The following CDK8 variants were observed in gnomAD, a reference collection of about 807,000 sequenced individuals.
The protein encoded by CDK8 is cyclin dependent kinase 8.
A neutral mutation model predicts 71.5 loss-of-function variants in CDK8; 29 were observed. The observed-to-expected ratio is 0.41, with a 90% confidence interval of 0.30 to 0.55. The LOEUF is 0.55. CDK8 is among the 20% of genes least tolerant of loss of function. The pLI, the probability that CDK8 is intolerant of heterozygous loss-of-function variation, is 0.37. For synonymous variants in CDK8, 161 were observed against 192.1 expected (o/e 0.84, Z 1.34); for missense variants, 288 against 572.6 (o/e 0.50, Z 5.07).
intron 4 of CDK8, among the ~76,000 whole-genome samples, chr13:26,365,973 GA>G (rs1262803473): frequency 6.6e-6 from 1 of 151,266 alleles, no homozygotes; most frequent in Non-Finnish European, 1.5e-5. Flanking sequence ...ATTATACTGT[GA>G]AAAAAAACCA....
intron 1 of CDK8, among the ~76,000 whole-genome samples, chr13:26,260,703 A>G (rs1014496394): frequency 2.0e-5 from 3 of 152,234 alleles, no homozygotes; most frequent in African/African-American, 4.8e-5. Context: ...ATAATGAAAA[A>G]TTATAATTAT....
In CDK8 at chr13:26,356,381, A is replaced by G. The variant is rs560485310; in HGVS notation, c.456+2501A>G. 5.3e-5 allele frequency among the ~76,000 whole-genome samples: 8 copies of G among 152,248 alleles called. No individual in the cohort carries two copies. In the South Asian group the frequency reaches 1.2e-3, roughly 24 times the overall value. ...AAAAAGTTCTGCAGTGTCTGCTGCT[A>G]TCTTCTTTGATTTCCATATTTGAGT... On this transcript the variant is annotated intron_variant, in intron 4 of 12. Transcript: ENST00000381527.
intron 1 of CDK8, among the ~76,000 whole-genome samples, chr13:26,261,282 G>T (rs1392304508): frequency 6.6e-6 from 1 of 152,186 alleles, no homozygotes; most frequent in Non-Finnish European, 1.5e-5. Context: ...CAGAAAAAAT[G>T]CTGAGAGCTC....
chr13:26,360,616 G>A (rs1874093328), intron 4 of CDK8, among the ~76,000 whole-genome samples: 1 of 152,084 alleles, frequency 6.6e-6, no homozygotes, highest in Non-Finnish European at 1.5e-5. Flanking sequence ...ACTCCTGAGG[G>A]CAAAGACTGT....
rs770787733 is a variant in CDK8, at chr13:26,254,688, TC to T, written c.48del (p.Glu17ArgfsTer35). On this transcript the variant is annotated frameshift_variant, in exon 1 of 13. Coordinates refer to ENST00000381527, the MANE Select transcript of CDK8 (RefSeq NM_001260.3). LOFTEE classifies it high-confidence loss of function. This position sits in a 1 kb window ranked among gnomAD's most constrained non-coding sequence, Gnocchi z 6.7. ...AAGCTGAGCAGCGAGCGGGAGCGGGTCGAGGACCTGTTTGAATACGAGGGCT... is the reference window on the plus strand; with the variant it reads ...AAGCTGAGCAGCGAGCGGGAGCGGGTGAGGACCTGTTTGAATACGAGGGCT... ...KVKLSSERERVEDLFEYEGCK... is the reference protein window; with the variant it reads ...KVKLSSERERXEDLFEYEGCK... 6.2e-7 allele frequency: 1 copy of T among 1,611,828 alleles called. No homozygotes were observed. Among genetic ancestry groups the T allele is most frequent in the Non-Finnish European group, 8.5e-7 (1 of 1,179,012 alleles).
At chr13:26,353,502 G>A (rs1873768054) in intron 3 of CDK8, among the ~76,000 whole-genome samples, 1 of 151,342 alleles carries the variant, frequency 6.6e-6, no homozygotes, top group South Asian at 2.1e-4. Context: ...AATATTTTCT[G>A]ATTCCCTATT....
chr13:26,389,805 C>T (rs1317615757), intron 6 of CDK8, among the ~76,000 whole-genome samples: 1 of 152,038 alleles, frequency 6.6e-6, no homozygotes. Flanking sequence ...CGAGACCACC[C>T]TCACCAACAT....
At chr13:26,313,918 T>C (rs1403559787) in intron 1 of CDK8, among the ~76,000 whole-genome samples, 4 of 152,186 alleles carry the variant, frequency 2.6e-5, no homozygotes, top group African/African-American at 7.2e-5. Flanking sequence ...AAGAAAATGA[T>C]GTCCAGGTTG....
At chr13:26,294,291 C>G (rs1250238631) in intron 1 of CDK8, among the ~76,000 whole-genome samples, 1 of 151,780 alleles carries the variant, frequency 6.6e-6, no homozygotes, top group African/African-American at 2.4e-5. Flanking sequence ...CCACCATGCC[C>G]TGCTCTACAC....
chr13:26,341,517 C>T (rs1257932523), intron 2 of CDK8, among the ~76,000 whole-genome samples: 1 of 152,048 alleles, frequency 6.6e-6, no homozygotes, highest in South Asian at 2.1e-4. Context: ...AATTGTTTTC[C>T]TTATTTTTTT....
chr13:26,314,321 A>G (rs147816287), intron 1 of CDK8, among the ~76,000 whole-genome samples: 1 of 152,234 alleles, frequency 6.6e-6, no homozygotes, highest in African/African-American at 2.4e-5. Flanking sequence ...GTTACTAAGA[A>G]CATTTCTAAG....
At chr13:26,282,414 T>TA (rs1872790077) in intron 1 of CDK8, among the ~76,000 whole-genome samples, 1 of 152,198 alleles carries the variant, frequency 6.6e-6, no homozygotes, top group Admixed American at 6.5e-5. Flanking sequence ...ATCCTATCTT[T>TA]AGCCTCTACA....
rs1875727601 is a variant in CDK8, at chr13:26,391,123, GAAGA to G, written c.647-2240_647-2237del. Among the ~76,000 whole-genome samples, 6 of 151,988 alleles carry G rather than the reference GAAGA, an allele frequency of 3.9e-5. No individual in the cohort carries two copies. In the South Asian group the frequency reaches 1.0e-3, roughly 26 times the overall value. On this transcript the variant is annotated intron_variant, in intron 6 of 12. Coordinates refer to ENST00000381527, the MANE Select transcript of CDK8 (RefSeq NM_001260.3). ...TGATTAATGTATGGGTCAGGATTTT[GAAGA>G]AAGGAAGAATGGTAAAATTGACAAA...
chr13:26,352,401 A>G (rs1048510915), intron 3 of CDK8, among the ~76,000 whole-genome samples: 4 of 152,078 alleles, frequency 2.6e-5, no homozygotes, highest in Non-Finnish European at 5.9e-5. Context: ...ATTTTTTAGT[A>G]GAGACGGGGT....
intron 1 of CDK8, among the ~76,000 whole-genome samples, chr13:26,290,696 A>G (rs140488533): frequency 6.6e-6 from 1 of 152,272 alleles, no homozygotes; most frequent in Non-Finnish European, 1.5e-5. Context: ...CTTCATCATT[A>G]TATTGGTATT....
intron 2 of CDK8, among the ~76,000 whole-genome samples, chr13:26,342,635 C>T (rs1873291679): frequency 6.6e-6 from 1 of 152,100 alleles, no homozygotes; most frequent in South Asian, 2.1e-4. Context: ...GGTAATTGTC[C>T]ACTGAGACAG....
intron 1 of CDK8, among the ~76,000 whole-genome samples, chr13:26,280,949 A>G (rs1182109707): frequency 6.6e-6 from 1 of 152,238 alleles, no homozygotes; most frequent in Non-Finnish European, 1.5e-5. Context: ...GCTTTGAAAG[A>G]AGCAGCAGGC....
chr13:26,268,569 G>A (rs933206090), intron 1 of CDK8, among the ~76,000 whole-genome samples: 4 of 152,044 alleles, frequency 2.6e-5, no homozygotes, highest in East Asian at 3.9e-4. Context: ...TCCTGCCTCA[G>A]CCTCCTGAGT....
At chr13:26,390,803 TCTC>T (rs1875709391) in intron 6 of CDK8, among the ~76,000 whole-genome samples, 1 of 152,204 alleles carries the variant, frequency 6.6e-6, no homozygotes, top group African/African-American at 2.4e-5. Context: ...CAAAGTCTTT[TCTC>T]CTCCCAAATT....
Sources: gnomAD v4.1 joint callset for allele counts (sites outside exome capture counted in the v4.1 genomes callset) on GRCh38, gnomAD v4.1.1 for gene constraint, Gnocchi (gnomAD v3.1) non-coding constraint, MANE v1.5 for transcripts, NCBI Gene and HGNC (gene_info 2026-07-23, HGNC 2026-07-21) for gene names.